CCDC136: variants seen among roughly 807,000 people sequenced by gnomAD.
The protein encoded by CCDC136 is coiled-coil domain containing 136, also known as coiled-coil domain-containing protein 136.
In CCDC136, 100 loss-of-function variants were observed where a neutral mutation model predicts 141.2. The observed-to-expected ratio is 0.71, with a 90% CI of 0.60 to 0.84. The LOEUF (loss-of-function observed/expected upper bound fraction) is 0.84. Among genes scored for constraint, CCDC136 ranks in the 40% least tolerant of loss-of-function variants. CCDC136 has a pLI of 0.00. For missense variants in CCDC136, 1,206 were observed against 1,379.4 expected (o/e 0.87, Z 1.99); for synonymous variants, 474 against 531.9 (o/e 0.89, Z 1.50).
At chr7:128,810,092 G>A (rs1233168398) in intron 11 of CCDC136, 47 bp from the exon 12 acceptor site, 2 of 1,210,920 alleles carry the variant, frequency 1.7e-6, no homozygotes, top group Admixed American at 2.3e-5. Flanking sequence ...CAGACTTCCT[G>A]TGTGACCACC....
rs2128893394 is a variant in CCDC136 at position 128,794,441 on chromosome 7, G to A, written c.110G>A (p.Gly37Asp). The A allele has an allele frequency of 6.4e-7, 1 of 1,552,890 alleles. No homozygotes were observed. Among genetic ancestry groups the A allele is most frequent in the Admixed American group, 2.0e-5 (1 of 51,064 alleles). ...VEEEEEQVQK[G>D]GSVGSLSVNK... is the part of the protein sequence containing the mutation. ...GAAGAAGAAGAACAAGTGCAGAAAG[G>A]TGGCAGTGTTGGCTCTCTGTCAGTC... Residue 37 changes from glycine to aspartate, a missense_variant, in exon 2 of 18, where the codon GGT (glycine) becomes GAT (aspartate). By Grantham distance (94) the Gly-to-Asp change is moderately conservative. Coordinates refer to ENST00000297788, the MANE Select transcript of CCDC136 (RefSeq NM_022742.5). This position sits in a 1 kb window ranked among gnomAD's most constrained non-coding sequence, Gnocchi z 4.3.
intron 10 of CCDC136, chr7:128,808,979 G>A: frequency 1.0e-6 from 1 of 985,186 alleles, no homozygotes; most frequent in South Asian, 4.7e-5. Flanking sequence ...TTTAAAGAGA[G>A]AATTAGGAAA....
At chr7:128,809,674 C>T (rs764284697) in intron 11 of CCDC136, 30 bp downstream of exon 11, 66 of 1,442,484 alleles carry the variant, frequency 4.6e-5, no homozygotes, top group Admixed American at 1.7e-4. Context: ...CTGCTAACTG[C>T]GGGGAAGCTG....
chr7:128,805,598 ACAT>A lies in CCDC136; in HGVS notation c.948+76_948+78del. The A allele has an allele frequency of 6.5e-7, 1 of 1,537,420 alleles. No homozygotes were observed. On this transcript the variant is annotated intron_variant, in intron 6 of 17. Transcript: ENST00000297788. The surrounding 1 kb of genome is among the most constrained non-coding windows in gnomAD (Gnocchi z 4.6). ...CACCTTCTCCCAGCCTGTGGTAGAA[ACAT>A]CTCCATAGGCATCCACTGTGGAGGG...
intron 12 of CCDC136, chr7:128,811,292 C>G (rs1248122006): frequency 4.0e-6 from 1 of 252,576 alleles, no homozygotes; most frequent in Non-Finnish European, 7.2e-6. Flanking sequence ...AGCCAAGAAG[C>G]CAGGCCCAAC....
Position 128,792,324 on chromosome 7 carries a change from C to T in CCDC136, c.-88C>T, listed in dbSNP as rs1469712358. 6.2e-7 allele frequency: 1 copy of T among 1,607,680 alleles called. No homozygotes were observed. Among genetic ancestry groups the T allele is most frequent in the East Asian group, 2.3e-5 (1 of 44,282 alleles). ...CTCCTTTCTCCCTGCTCTCAGGACC[C>T]ACAGTGACCACTCTAGGCTCCTATG... On this transcript the variant is annotated 5_prime_UTR_variant, in exon 1 of 18. Coordinates refer to ENST00000297788, the MANE Select transcript of CCDC136 (RefSeq NM_022742.5).
chr7:128,821,187 C>T lies in CCDC136; in HGVS notation c.*6-612C>T, dbSNP rs1807391159. ...AAGCCTCAGCATACTCTAGCACATGCACCAGGAAGTCAGTCAACATACCTG... is the reference window on the plus strand; with the variant it reads ...AAGCCTCAGCATACTCTAGCACATGTACCAGGAAGTCAGTCAACATACCTG... On this transcript the variant is annotated intron_variant, in intron 17 of 17. Transcript: ENST00000297788. This position sits in a 1 kb window ranked among gnomAD's most constrained non-coding sequence, Gnocchi z 5.1. 2.0e-5 allele frequency among the ~76,000 whole-genome samples: 3 copies of T among 152,200 alleles called. No homozygotes were observed. The highest frequency in any genetic ancestry group is 2.0e-4 in the Admixed American group (3 of 15,276).
rs770297011 is a variant in CCDC136, at chr7:128,815,908, C to T, written c.3340C>T (p.Leu1114Phe). ...SLESPEENNP[L>F]RLSESKKSSP... ...TGAAAGTCCCGAAGAAAATAACCCCCTCAGACTTTCCGAGAGCAAAAAGGT... is the reference window on the plus strand; with the variant it reads ...TGAAAGTCCCGAAGAAAATAACCCCTTCAGACTTTCCGAGAGCAAAAAGGT... Residue 1114 changes from leucine to phenylalanine, a missense_variant, in exon 16 of 18, where the codon CTC becomes TTC. By Grantham distance (22) the Leu-to-Phe change is conservative. Transcript: ENST00000297788. 3.1e-6 allele frequency: 5 copies of T among 1,612,192 alleles called. No homozygotes were observed. The Admixed American group carries it at 8.4e-5, about 27-fold the overall frequency.
At chr7:128,792,943 C>T (rs117967557) in intron 1 of CCDC136, among the ~76,000 whole-genome samples, 310 of 152,346 alleles carry the variant, frequency 2.0e-3, no homozygotes, top group Non-Finnish European at 2.8e-3. Flanking sequence ...TGTATCCCCA[C>T]CACACCCATG....
At position 128,792,113 on chromosome 7, in the gene CCDC136, A is replaced by G. The variant is rs1802263803; in HGVS notation, c.-299A>G. 1 of 1,400,026 alleles carries G rather than the reference A, an allele frequency of 7.1e-7. No homozygotes were observed. Among genetic ancestry groups the G allele is most frequent in the South Asian group, 1.6e-5 (1 of 64,476 alleles). 86.7% of individuals were successfully genotyped at this position (1,400,026 alleles called of 1,614,324 possible). A position where few individuals can be genotyped will look rare whatever the true frequency, so the allele number is the denominator to read the frequency against. On this transcript the variant is annotated 5_prime_UTR_variant, in exon 1 of 18. Coordinates refer to ENST00000297788, the MANE Select transcript of CCDC136 (RefSeq NM_022742.5). ...TGTGCAAGCAAGAGGGTCCTGGAAC[A>G]GCGGGTTCTGAGGAGGCTGGGAGGC...
At chr7:128,816,995 T>C (rs1011779299) in intron 16 of CCDC136, among the ~76,000 whole-genome samples, 1 of 152,220 alleles carries the variant, frequency 6.6e-6, no homozygotes, top group African/African-American at 2.4e-5. Flanking sequence ...CCCACTATCA[T>C]GTTTCCTTGA....
intron 15 of CCDC136, among the ~76,000 whole-genome samples, chr7:128,815,140 G>GT (rs1806396409): frequency 6.6e-6 from 1 of 152,218 alleles, no homozygotes; most frequent in Non-Finnish European, 1.5e-5. Context: ...ATCGGGAGGT[G>GT]CAGCCCCAAA....
At position 128,792,343 on chromosome 7, in the gene CCDC136, T is replaced by TC; in HGVS notation, c.-67dup. ...AGGACCCACAGTGACCACTCTAGGC[T>TC]CCTATGAGGCTTCCGAGGGCTGTGA... On this transcript the variant is annotated 5_prime_UTR_variant, in exon 1 of 18. Coordinates refer to ENST00000297788, the MANE Select transcript of CCDC136 (RefSeq NM_022742.5). 1 of 1,501,008 alleles carries TC rather than the reference T, an allele frequency of 6.7e-7. No homozygotes were observed. The highest frequency in any genetic ancestry group is 9.0e-7 in the Non-Finnish European group (1 of 1,115,720). 93.0% of individuals were successfully genotyped at this position (1,501,008 alleles called of 1,614,324 possible).
At chr7:128,800,839 C>T (rs1343999582) in intron 3 of CCDC136, among the ~76,000 whole-genome samples, 2 of 152,134 alleles carry the variant, frequency 1.3e-5, no homozygotes, top group Non-Finnish European at 2.9e-5. Context: ...TAGAAAGATT[C>T]AGGGCATCAA....
chr7:128,794,471 A>G lies in CCDC136; in HGVS notation c.140A>G (p.Lys47Arg). 6.4e-7 allele frequency: 1 copy of G among 1,552,288 alleles called. No homozygotes were observed. The highest frequency in any genetic ancestry group is 1.2e-5 in the South Asian group (1 of 84,062). The change falls in exon 2 of 18, where the codon AAG (lysine) becomes AGG (arginine). Residue 47 changes from lysine to arginine, a missense_variant. By Grantham distance (26) the Lys-to-Arg change is conservative. Coordinates refer to ENST00000297788, the MANE Select transcript of CCDC136 (RefSeq NM_022742.5). The surrounding 1 kb of genome is among the most constrained non-coding windows in gnomAD (Gnocchi z 4.3). ...AGTGTTGGCTCTCTGTCAGTCAACAAGCACCGGGGACTGAGCCTCACGGAG... is the reference window on the plus strand; with the variant it reads ...AGTGTTGGCTCTCTGTCAGTCAACAGGCACCGGGGACTGAGCCTCACGGAG... The part of the protein sequence containing the change: ...GGSVGSLSVN[K>R]HRGLSLTETE...
chr7:128,813,306 G>C (rs1048809071), intron 14 of CCDC136, among the ~76,000 whole-genome samples: 1 of 152,222 alleles, frequency 6.6e-6, no homozygotes, highest in Non-Finnish European at 1.5e-5. Flanking sequence ...AGCAGCTCAA[G>C]GACAGGGACA....
intron 10 of CCDC136, chr7:128,808,480 T>G (rs1214130837): frequency 5.1e-6 from 5 of 985,224 alleles, no homozygotes; most frequent in Non-Finnish European, 6.0e-6. Flanking sequence ...GTGTATAAAA[T>G]GCAAGCCGTT....
chr7:128,809,730 G>A, intron 11 of CCDC136, 86 bp downstream of exon 11: 1 of 1,058,538 alleles, frequency 9.4e-7, no homozygotes, highest in Non-Finnish European at 1.3e-6. Context: ...AAAAGGGTGG[G>A]GATTGAACTT....
chr7:128,811,275 C>T (rs1350803264), intron 12 of CCDC136: 2 of 446,156 alleles, frequency 4.5e-6, no homozygotes, highest in Admixed American at 4.8e-5. Context: ...TCATCCTGGA[C>T]ATCAGCAGCC....
Sources: allele counts gnomAD v4.1 joint callset (sites outside exome capture counted in the v4.1 genomes callset), GRCh38; gene constraint gnomAD v4.1.1; non-coding constraint Gnocchi (gnomAD v3.1); transcripts MANE v1.5; gene names NCBI Gene and HGNC (gene_info 2026-07-23, HGNC 2026-07-21).